The following DIP2B variants were observed in gnomAD, a reference collection of about 807,000 sequenced individuals.
The protein encoded by DIP2B is DIP2 acetate--CoA ligase B (putative).
A neutral mutation model predicts 198.0 loss-of-function variants in DIP2B; 76 were observed. The observed-to-expected ratio is 0.38, with a 90% CI of 0.32 to 0.46. DIP2B has a LOEUF of 0.46. Among genes scored for constraint, DIP2B ranks in the 20% least tolerant of loss-of-function variants. The pLI is 0.99. For synonymous variants in DIP2B, 701 were observed against 739.1 expected, an observed-to-expected ratio of 0.95 and a Z score of 0.84; for missense variants, 1,559 against 1,978.4, an observed-to-expected ratio of 0.79 and a Z score of 4.02.
At chr12:50,738,813 C>T (rs1026559560) in intron 35 of DIP2B, among the ~76,000 whole-genome samples, 24 of 152,326 alleles carry the variant, frequency 1.6e-4, no homozygotes, top group African/African-American at 5.5e-4. Flanking sequence ...AGTAGTAGCA[C>T]CTACCTCACC....
At position 50,686,559 on chromosome 12, in the gene DIP2B, TG is replaced by T. The variant is rs1939134319; in HGVS notation, c.1442-11del. 1 of 1,613,424 alleles carries T rather than the reference TG, an allele frequency of 6.2e-7. No individual in the cohort carries two copies. The highest frequency in any genetic ancestry group is 1.1e-5 in the South Asian group (1 of 90,904). ...GGCTTAGGCAATTCAATTTTCACTT[TG>T]GGTTTGATTTAGGTTGGCCCCGGCT... On this transcript the variant is annotated splice_polypyrimidine_tract_variant and intron_variant, in intron 11 of 37. Transcript: ENST00000301180.
At chr12:50,704,037 A>G (rs538201299) in intron 19 of DIP2B, 103 bp from the exon 20 acceptor site, 1 of 926,406 alleles carries the variant, frequency 1.1e-6, no homozygotes, top group South Asian at 1.5e-5. Flanking sequence ...TCACTATTAC[A>G]TTATTTTTTC....
intron 1 of DIP2B, among the ~76,000 whole-genome samples, chr12:50,615,406 T>C (rs745808355): frequency 2.0e-5 from 3 of 152,240 alleles, no homozygotes; most frequent in Non-Finnish European, 4.4e-5. Flanking sequence ...TAGATATTTG[T>C]ATACTCCTCT....
chr12:50,514,175 C>T (rs1289116564), intron 1 of DIP2B, among the ~76,000 whole-genome samples: 1 of 151,018 alleles, frequency 6.6e-6, no homozygotes, highest in African/African-American at 2.4e-5. Flanking sequence ...AAGCGATTCT[C>T]CTGCCTCAGC....
At chr12:50,532,043 G>T (rs924835312) in intron 1 of DIP2B, among the ~76,000 whole-genome samples, 8 of 152,212 alleles carry the variant, frequency 5.3e-5, no homozygotes, top group African/African-American at 1.7e-4. Flanking sequence ...AGTCAGCAAA[G>T]CTTGAGACCC....
chr12:50,739,896 A>G (rs1299381121), intron 36 of DIP2B, among the ~76,000 whole-genome samples: 1 of 152,192 alleles, frequency 6.6e-6, no homozygotes, highest in African/African-American at 2.4e-5. Context: ...CATCCGGGAC[A>G]AGCATTACAT....
At chr12:50,718,457 CTTGT>C (rs1939774477) in intron 23 of DIP2B, among the ~76,000 whole-genome samples, 2 of 152,126 alleles carry the variant, frequency 1.3e-5, no homozygotes, top group African/African-American at 2.4e-5. Flanking sequence ...CTCCTGTTTT[CTTGT>C]TTGTTTGGTT....
At chr12:50,627,680 A>G (rs907365653) in intron 2 of DIP2B, among the ~76,000 whole-genome samples, 11 of 152,266 alleles carry the variant, frequency 7.2e-5, no homozygotes, top group African/African-American at 2.4e-4. Context: ...GGGCAAGCCT[A>G]TAATGGGAAC....
intron 1 of DIP2B, among the ~76,000 whole-genome samples, chr12:50,578,754 C>T (rs4768895): frequency 0.27 from 41,426 of 151,190 alleles, 5,981 homozygotes; most frequent in East Asian, 0.39. Context: ...GTGATCTGCC[C>T]GCCTCGGCCT....
intron 5 of DIP2B, among the ~76,000 whole-genome samples, chr12:50,673,647 TGTA>T (rs1938894454): frequency 6.6e-6 from 1 of 151,994 alleles, no homozygotes; most frequent in South Asian, 2.1e-4. Context: ...ATTAGCCTGA[TGTA>T]GTGGTGTGCA....
chr12:50,562,787 C>G (rs1958530687), intron 1 of DIP2B, among the ~76,000 whole-genome samples: 2 of 151,646 alleles, frequency 1.3e-5, no homozygotes, highest in Middle Eastern at 3.2e-3. Context: ...TAAATTATCA[C>G]CTAAATACAG....
intron 30 of DIP2B, 46 bp from the exon 31 acceptor site, chr12:50,731,323 A>G: frequency 1.9e-6 from 3 of 1,594,590 alleles, no homozygotes; most frequent in Non-Finnish European, 1.7e-6. Flanking sequence ...AGCATCAGGT[A>G]TCCAGGATGA....
chr12:50,735,398 T>C (rs1256872248), intron 34 of DIP2B, among the ~76,000 whole-genome samples: 3 of 152,178 alleles, frequency 2.0e-5, no homozygotes, highest in African/African-American at 2.4e-5. Flanking sequence ...GCAGTGCTCA[T>C]TGTATGAAAG....
rs1358599435 is a variant in DIP2B at position 50,692,945 on chromosome 12, T to G, written c.1655-4T>G. On this transcript the variant is annotated splice_region_variant and splice_polypyrimidine_tract_variant and intron_variant, in intron 13 of 37. Transcript: ENST00000301180. ...TCTTTGTCTTCCTATTTTTTCTATTTTAGGGGAAACAATAGTAAATGTCTT... is the reference window on the plus strand; with the variant it reads ...TCTTTGTCTTCCTATTTTTTCTATTGTAGGGGAAACAATAGTAAATGTCTT... 1 of 1,606,646 alleles carries G rather than the reference T, an allele frequency of 6.2e-7. No homozygotes were observed. The highest frequency in any genetic ancestry group is 8.5e-7 in the Non-Finnish European group (1 of 1,178,098).
intron 2 of DIP2B, among the ~76,000 whole-genome samples, chr12:50,633,729 G>A (rs1003761052): frequency 2.0e-5 from 3 of 152,190 alleles, no homozygotes; most frequent in African/African-American, 7.2e-5. Context: ...TTGTGCCACT[G>A]CATGCCAGCT....
At chr12:50,524,226 A>G (rs1958143779) in intron 1 of DIP2B, among the ~76,000 whole-genome samples, 1 of 152,082 alleles carries the variant, frequency 6.6e-6, no homozygotes, top group Non-Finnish European at 1.5e-5. Context: ...ATGTCATCAC[A>G]TCTCTTGCTT....
chr12:50,628,141 C>A (rs902842916), intron 2 of DIP2B, among the ~76,000 whole-genome samples: 1 of 152,084 alleles, frequency 6.6e-6, no homozygotes, highest in Non-Finnish European at 1.5e-5. Context: ...GAGGCCGAGG[C>A]GGGTGGATCA....
At chr12:50,674,152 G>T (rs1389485025) in intron 5 of DIP2B, among the ~76,000 whole-genome samples, 3 of 152,068 alleles carry the variant, frequency 2.0e-5, no homozygotes, top group Non-Finnish European at 2.9e-5. Context: ...GTTTTATTAT[G>T]ATTATTTTAT....
chr12:50,563,814 A>G (rs1037584804), intron 1 of DIP2B, among the ~76,000 whole-genome samples: 3 of 151,692 alleles, frequency 2.0e-5, no homozygotes, highest in African/African-American at 7.3e-5. Context: ...TTTTTTTTAA[A>G]AGCTCATTCT....
Sources: gnomAD v4.1 joint callset for allele counts (sites outside exome capture counted in the v4.1 genomes callset) on GRCh38, gnomAD v4.1.1 for gene constraint, MANE v1.5 for transcripts, NCBI Gene and HGNC (gene_info 2026-07-23, HGNC 2026-07-21) for gene names.